FRK: variants seen among roughly 807,000 people sequenced by gnomAD.
FRK encodes the protein fyn related Src family tyrosine kinase.
In FRK, 51 loss-of-function variants were observed where a neutral mutation model predicts 56.4. The observed-to-expected ratio is 0.90, with a 90% confidence interval of 0.72 to 1.14. FRK has a LOEUF of 1.14. FRK is among the 50% of genes most tolerant of loss of function. The pLI, the probability that FRK is intolerant of heterozygous loss-of-function variation, is 0.00. For missense variants in FRK, 570 were observed against 601.4 expected (o/e 0.95, Z 0.55); for synonymous variants, 245 against 217.9 (o/e 1.12, Z -1.10).
At chr6:116,095,570 C>T in the FRK span, among the ~76,000 whole-genome samples, 1 of 152,168 alleles carries the variant, frequency 6.6e-6, no homozygotes, top group Non-Finnish European at 1.5e-5. Flanking sequence ...AAGCTCAAGT[C>T]CATCAGTGCA....
At chr6:115,953,391 G>A (rs1487730894) in intron 5 of FRK, among the ~76,000 whole-genome samples, 1 of 151,250 alleles carries the variant, frequency 6.6e-6, no homozygotes, top group South Asian at 2.1e-4. Flanking sequence ...GGGTTTCACC[G>A]TTTTAGCCGG....
intron 1 of FRK, among the ~76,000 whole-genome samples, chr6:116,035,736 A>T (rs1171126505): frequency 6.6e-6 from 1 of 152,104 alleles, no homozygotes; most frequent in Non-Finnish European, 1.5e-5. Context: ...CGTTTTCCTT[A>T]ATCACTACTG....
intron 4 of FRK, among the ~76,000 whole-genome samples, chr6:115,956,859 T>C (rs777344970): frequency 2.0e-5 from 3 of 152,136 alleles, no homozygotes; most frequent in Non-Finnish European, 2.9e-5. Context: ...TTGATTCAGA[T>C]CTACATGAAA....
chr6:116,071,331 T>A, the FRK span, among the ~76,000 whole-genome samples: 1 of 152,218 alleles, frequency 6.6e-6, no homozygotes, highest in African/African-American at 2.4e-5. Context: ...ACTGGTTGAC[T>A]GTACACATTT....
chr6:115,984,641 T>C (rs1774323461), intron 2 of FRK, among the ~76,000 whole-genome samples: 1 of 151,818 alleles, frequency 6.6e-6, no homozygotes, highest in Admixed American at 6.6e-5. Flanking sequence ...GTTCCATGAG[T>C]TTTGATGTTT....
At chr6:115,977,657 G>A (rs1300296630) in intron 2 of FRK, among the ~76,000 whole-genome samples, 1 of 152,124 alleles carries the variant, frequency 6.6e-6, no homozygotes, top group Admixed American at 6.6e-5. Context: ...TTACTTTATA[G>A]TTAGAGGCAA....
In FRK at chr6:115,978,806, T is replaced by C. The variant is rs561990249; in HGVS notation, c.467-10067A>G. ...AATTAATGACTATGTTACTGGTTTA[T>C]GTATTTACTATGCTATATTTTTTGT... On this transcript the variant is annotated intron_variant, in intron 2 of 7. Coordinates refer to ENST00000606080, the MANE Select transcript of FRK (RefSeq NM_002031.3). Among the ~76,000 whole-genome samples the C allele has an allele frequency of 3.6e-4, 55 of 152,320 alleles. No homozygotes were observed. The South Asian group carries it at 8.5e-3, about 24-fold the overall frequency.
At chr6:116,093,265 C>T in the FRK span, among the ~76,000 whole-genome samples, 7 of 152,146 alleles carry the variant, frequency 4.6e-5, no homozygotes, top group South Asian at 2.1e-4. Flanking sequence ...AAAAAACCCC[C>T]GGGCTATCAG....
intron 1 of FRK, among the ~76,000 whole-genome samples, chr6:116,059,512 T>C (rs1342636204): frequency 6.6e-6 from 1 of 152,198 alleles, no homozygotes; most frequent in Non-Finnish European, 1.5e-5. Context: ...GGATTAGGAT[T>C]AGAGCTAGGG....
At chr6:115,996,452 G>A (rs1000528398) in intron 2 of FRK, among the ~76,000 whole-genome samples, 4 of 152,100 alleles carry the variant, frequency 2.6e-5, no homozygotes, top group African/African-American at 4.8e-5. Context: ...GACATAGAGG[G>A]TCATACTAAC....
intron 5 of FRK, among the ~76,000 whole-genome samples, chr6:115,956,122 G>T (rs1217174143): frequency 7.2e-5 from 11 of 152,098 alleles, no homozygotes; most frequent in Non-Finnish European, 1.5e-4. Context: ...GTCCATAACT[G>T]ATAATGTTCA....
chr6:116,095,844 G>A, the FRK span, among the ~76,000 whole-genome samples: 2 of 152,326 alleles, frequency 1.3e-5, no homozygotes, highest in East Asian at 3.9e-4. Flanking sequence ...CAGCTTCTTA[G>A]GGGAAGAGTG....
the FRK span, among the ~76,000 whole-genome samples, chr6:116,077,051 G>T: frequency 7.9e-5 from 12 of 152,132 alleles, no homozygotes; most frequent in Non-Finnish European, 1.6e-4. Context: ...AAAGATGAAA[G>T]AAATGAAAAT....
At chr6:116,098,395 G>C in the FRK span, among the ~76,000 whole-genome samples, 289 of 152,254 alleles carry the variant, frequency 1.9e-3, 9 homozygotes, top group East Asian at 0.052. Flanking sequence ...ACAGGTGTGT[G>C]CCACGACGCC....
At chr6:116,049,493 G>A (rs905890079) in intron 1 of FRK, among the ~76,000 whole-genome samples, 8 of 152,172 alleles carry the variant, frequency 5.3e-5, no homozygotes, top group African/African-American at 1.7e-4. Flanking sequence ...AAAGAGTCTT[G>A]CATAGTTTTC....
intron 1 of FRK, among the ~76,000 whole-genome samples, chr6:116,053,415 T>G (rs902649833): frequency 2.0e-5 from 3 of 152,180 alleles, no homozygotes; most frequent in Non-Finnish European, 4.4e-5. Flanking sequence ...ATATAGTAGC[T>G]GCTAAAAGAA....
At chr6:116,011,118 T>C (rs1328826008) in intron 1 of FRK, among the ~76,000 whole-genome samples, 1 of 152,210 alleles carries the variant, frequency 6.6e-6, no homozygotes, top group African/African-American at 2.4e-5. Context: ...TATAAATGAA[T>C]ATCAACATTT....
chr6:116,097,042 GCTT>G, the FRK span, among the ~76,000 whole-genome samples: 6 of 152,036 alleles, frequency 3.9e-5, no homozygotes, highest in Admixed American at 2.6e-4. Flanking sequence ...TTCTAAGTAG[GCTT>G]CTTCTTCTTG....
chr6:116,026,243 T>A (rs1445522859), intron 1 of FRK, among the ~76,000 whole-genome samples: 9 of 152,126 alleles, frequency 5.9e-5, no homozygotes, highest in Admixed American at 3.3e-4. Flanking sequence ...AAATATTTTT[T>A]AAAAGGAAAG....
Sources: gnomAD v4.1 joint callset for allele counts (sites outside exome capture counted in the v4.1 genomes callset) on GRCh38, gnomAD v4.1.1 for gene constraint, MANE v1.5 for transcripts, NCBI Gene and HGNC (gene_info 2026-07-23, HGNC 2026-07-21) for gene names.